Variants in ARHGAP39 observed in about 807,000 individuals in gnomAD.
ARHGAP39 encodes the protein Rho GTPase activating protein 39.
Under a neutral mutation model 106.9 loss-of-function variants are expected in ARHGAP39, and 44 were observed. That is an observed-to-expected ratio of 0.41 (90% CI 0.32 to 0.53). ARHGAP39 has a LOEUF of 0.53. Ranked by LOEUF, ARHGAP39 falls within the 20% of genes least tolerant of loss-of-function variation. ARHGAP39 has a pLI of 0.21. For missense variants in ARHGAP39, 1,496 were observed against 1,577.3 expected (o/e 0.95, Z 0.87); for synonymous variants, 768 against 693.2 (o/e 1.11, Z -1.69).
chr8:144,568,845 AT>A (rs1365853646), intron 3 of ARHGAP39, among the ~76,000 whole-genome samples: 1 of 152,054 alleles, frequency 6.6e-6, no homozygotes, highest in African/African-American at 2.4e-5. Flanking sequence ...ATAAAGGTGA[AT>A]TTTAAAATGC....
chr8:144,610,975 C>A (rs902220143), intron 1 of ARHGAP39, among the ~76,000 whole-genome samples: 1 of 152,010 alleles, frequency 6.6e-6, no homozygotes, highest in Non-Finnish European at 1.5e-5. Flanking sequence ...TGCCACCACA[C>A]CTGGCTAATT....
At chr8:144,537,925 C>A in intron 6 of ARHGAP39, 112 bp from the exon 7 acceptor site, 1 of 900,832 alleles carries the variant, frequency 1.1e-6, no homozygotes. Flanking sequence ...TGGGGGCTCA[C>A]CCTGTGCAGC....
In ARHGAP39 at chr8:144,684,076, G is replaced by A. The variant is rs1335724350; in HGVS notation, c.-82+1610C>T. ...AAGACCACAAAGCCAGTAAACAGAA[G>A]AGTCGCGACTCAGAGGCGGGCAGCC... On this transcript the variant is annotated intron_variant, in intron 1 of 11. Transcript: ENST00000377307. This position sits in a 1 kb window ranked among gnomAD's most constrained non-coding sequence, Gnocchi z 4.4. Among the ~76,000 whole-genome samples the A allele has an allele frequency of 6.6e-6, 1 of 152,222 alleles. No homozygotes were observed. The highest frequency in any genetic ancestry group is 1.5e-5 in the Non-Finnish European group (1 of 68,038).
At chr8:144,562,334 G>A (rs887842050) in intron 3 of ARHGAP39, among the ~76,000 whole-genome samples, 3 of 148,934 alleles carry the variant, frequency 2.0e-5, no homozygotes, top group African/African-American at 5.0e-5. Flanking sequence ...ACGCTCCAGT[G>A]GTTTCCATCA....
At chr8:144,573,871 C>CA (rs1477124592) in intron 3 of ARHGAP39, among the ~76,000 whole-genome samples, 1 of 152,086 alleles carries the variant, frequency 6.6e-6, no homozygotes, top group East Asian at 1.9e-4. Flanking sequence ...ACAAATGAGT[C>CA]AAAGAATAAA....
chr8:144,539,670 C>T (rs917942105), intron 6 of ARHGAP39, among the ~76,000 whole-genome samples: 1 of 152,228 alleles, frequency 6.6e-6, no homozygotes, highest in African/African-American at 2.4e-5. Context: ...AAAAGACTGT[C>T]TTTTCTTCAC....
chr8:144,608,024 G>T (rs2130950204), intron 1 of ARHGAP39, among the ~76,000 whole-genome samples: 1 of 152,050 alleles, frequency 6.6e-6, no homozygotes, highest in Non-Finnish European at 1.5e-5. Context: ...AGGCGTGGCA[G>T]CATGTGCCCG....
At chr8:144,602,303 C>CTG (rs1307188019) in intron 2 of ARHGAP39, among the ~76,000 whole-genome samples, 2 of 95,748 alleles carry the variant, frequency 2.1e-5, no homozygotes, top group African/African-American at 4.4e-5. Flanking sequence ...GCTCGTGTAC[C>CTG]TGTGTGTGTG....
At chr8:144,694,896 A>G in the ARHGAP39 span, among the ~76,000 whole-genome samples, 7 of 152,076 alleles carry the variant, frequency 4.6e-5, no homozygotes, top group Non-Finnish European at 8.8e-5. Flanking sequence ...ATTGCAACAG[A>G]GTACAATCGA....
Position 144,591,278 on chromosome 8 carries a change from G to A in ARHGAP39, c.81-10001C>T, listed in dbSNP as rs530086116. Among the ~76,000 whole-genome samples, 3 of 152,294 alleles carry A rather than the reference G, an allele frequency of 2.0e-5. No individual in the cohort carries two copies. Among genetic ancestry groups the A allele is most frequent in the East Asian group, 1.9e-4 (1 of 5,168 alleles). On this transcript the variant is annotated intron_variant, in intron 2 of 11. Transcript: ENST00000377307. This position sits in a 1 kb window ranked among gnomAD's most constrained non-coding sequence, Gnocchi z 5.3. ...ACAGACCTGCAGGGGAGGGTGGCGC[G>A]TGTGAGGAGCACCTGCTGGGACATT...
intron 3 of ARHGAP39, among the ~76,000 whole-genome samples, chr8:144,570,148 G>A (rs889959403): frequency 2.0e-5 from 3 of 152,216 alleles, no homozygotes; most frequent in Admixed American, 1.3e-4. Context: ...TTCACCCGGG[G>A]AGGCAGAGGT....
rs1052270225 is a variant in ARHGAP39, at chr8:144,684,669, G to A, written c.-82+1017C>T. Among the ~76,000 whole-genome samples, 2 of 152,182 alleles carry A rather than the reference G, an allele frequency of 1.3e-5. No homozygotes were observed. The highest frequency in any genetic ancestry group is 2.9e-5 in the Non-Finnish European group (2 of 68,026). On this transcript the variant is annotated intron_variant, in intron 1 of 11. Coordinates refer to ENST00000377307, the MANE Select transcript of ARHGAP39 (RefSeq NM_025251.3). The surrounding 1 kb of genome is among the most constrained non-coding windows in gnomAD (Gnocchi z 4.4). The stretch of plus-strand genomic sequence containing the variant: ...AACGTCCTGGGCCCCAAAATGCACA[G>A]CCCGCCTCTCTCGCCGCCCTGGGCA...
chr8:144,532,312 G>A lies in ARHGAP39; in HGVS notation c.2973C>T (p.His991=), dbSNP rs753702967. ...CGTGTGTGGGGGACTCACCAGGGAC[G>A]TGGGGGTCTTCCAGGCCTGTGGGCA... ...WKVPTGLEDP[H]VPASLLKLWY... Residue 991 remains histidine (H), a synonymous_variant, in exon 10 of 12, where the codon CAC becomes CAT. Transcript: ENST00000377307. 18 of 1,612,610 alleles carry A rather than the reference G, an allele frequency of 1.1e-5. No individual in the cohort carries two copies. Among genetic ancestry groups the A allele is most frequent in the Middle Eastern group, 1.6e-4 (1 of 6,078 alleles).
chr8:144,694,616 T>C, the ARHGAP39 span, among the ~76,000 whole-genome samples: 2 of 152,220 alleles, frequency 1.3e-5, no homozygotes, highest in African/African-American at 2.4e-5. Flanking sequence ...GCTTTTAACA[T>C]TGGAGTTTCA....
Position 144,545,322 on chromosome 8 carries a change from C to A in ARHGAP39, c.2448G>T (p.Pro816=), listed in dbSNP as rs762965371. The A allele has an allele frequency of 7.5e-6, 12 of 1,591,212 alleles. No individual in the cohort carries two copies. In the South Asian group the frequency reaches 7.8e-5, roughly 10 times the overall value. The stretch of plus-strand genomic sequence containing the variant: ...GGTAGGAGTGGAACTTGGGGGTGGG[C>A]GGGAAAAAGGCCAGGCAGATGGCCA... ...ELMAICLAFF[P]PTPKFHSYLE... is the part of the protein sequence containing the mutation. The change falls in exon 6 of 12, where the codon CCG becomes CCT. Residue 816 remains proline (P), a synonymous_variant. Transcript: ENST00000377307.
rs77845731 is a variant in ARHGAP39 at position 144,577,648 on chromosome 8, G to A, written c.512+3198C>T. Among the ~76,000 whole-genome samples the A allele has an allele frequency of 9.2e-3, 1,401 of 152,280 alleles. 48 individuals are homozygous for A. Among genetic ancestry groups the A allele is most frequent in the East Asian group, 0.073 (381 of 5,186 alleles). On this transcript the variant is annotated intron_variant, in intron 3 of 11. Transcript: ENST00000377307. The stretch of plus-strand genomic sequence containing the variant: ...AAAATCCCAGAGATTATAAACGAAG[G>A]TTACTACAGCTAATACAGAAATTCA...
chr8:144,622,596 A>G (rs1262691715), intron 1 of ARHGAP39, among the ~76,000 whole-genome samples: 1 of 152,196 alleles, frequency 6.6e-6, no homozygotes, highest in East Asian at 1.9e-4. Flanking sequence ...ACAGGAGTCA[A>G]TGTATTCAGA....
intron 1 of ARHGAP39, among the ~76,000 whole-genome samples, chr8:144,620,189 G>A (rs1366893107): frequency 2.7e-5 from 4 of 149,348 alleles, no homozygotes; most frequent in African/African-American, 9.9e-5. Flanking sequence ...CTGAGAGAGC[G>A]TGTGTGCCCG....
chr8:144,660,688 A>AT (rs1821799744), intron 1 of ARHGAP39, among the ~76,000 whole-genome samples: 1 of 152,060 alleles, frequency 6.6e-6, no homozygotes, highest in Non-Finnish European at 1.5e-5. Context: ...TAAATGAATA[A>AT]TTTTTTAAAA....
Sources: gnomAD v4.1 joint callset for allele counts (sites outside exome capture counted in the v4.1 genomes callset) on GRCh38, gnomAD v4.1.1 for gene constraint, Gnocchi (gnomAD v3.1) non-coding constraint, MANE v1.5 for transcripts, NCBI Gene and HGNC (gene_info 2026-07-23, HGNC 2026-07-21) for gene names.